The following FAM178B variants were observed in gnomAD, a reference collection of about 807,000 sequenced individuals.
The protein encoded by FAM178B is family with sequence similarity 178 member B.
In FAM178B, 82 loss-of-function variants were observed where a neutral mutation model predicts 91.7. That is an observed-to-expected ratio of 0.89 (90% confidence interval 0.75 to 1.07). FAM178B has a LOEUF of 1.07. FAM178B is among the 50% of genes least tolerant of loss of function. The pLI is 0.00. For missense variants in FAM178B, 769 were observed against 846.7 expected (o/e 0.91, Z 1.14); for synonymous variants, 368 against 359.4 (o/e 1.02, Z -0.27).
At chr2:96,924,300 C>G (rs747700722) in intron 9 of FAM178B, among the ~76,000 whole-genome samples, 1 of 152,198 alleles carries the variant, frequency 6.6e-6, no homozygotes, top group Non-Finnish European at 1.5e-5. Context: ...GTAGCTGACA[C>G]GGGCTGGCTC....
intron 14 of FAM178B, among the ~76,000 whole-genome samples, chr2:96,882,313 GAC>G (rs1177769777): frequency 3.3e-5 from 5 of 152,214 alleles, no homozygotes; most frequent in Non-Finnish European, 5.9e-5. Context: ...AGCGGCTGTG[GAC>G]ACCCGATTCG....
intron 5 of FAM178B, among the ~76,000 whole-genome samples, chr2:96,966,069 G>A (rs561888727): frequency 6.6e-6 from 1 of 152,100 alleles, no homozygotes; most frequent in Non-Finnish European, 1.5e-5. Context: ...GTCCTATGCA[G>A]ACATGTGTCC....
At chr2:96,926,516 T>C (rs572642218) in intron 9 of FAM178B, among the ~76,000 whole-genome samples, 108 of 152,288 alleles carry the variant, frequency 7.1e-4, no homozygotes, top group Admixed American at 1.2e-3. Context: ...GCAAGTCCCA[T>C]TCTGTGTTGC....
intron 5 of FAM178B, 73 bp from the exon 6 acceptor site, chr2:96,960,513 G>C: frequency 6.8e-7 from 1 of 1,464,368 alleles, no homozygotes; most frequent in Non-Finnish European, 9.1e-7. Flanking sequence ...CATTAGCCCA[G>C]GGAAGGATAG....
intron 12 of FAM178B, among the ~76,000 whole-genome samples, chr2:96,920,923 C>T (rs1269959731): frequency 6.6e-6 from 1 of 152,106 alleles, no homozygotes; most frequent in Admixed American, 6.6e-5. Flanking sequence ...GAGTGGGGGC[C>T]CTGCAGGCAG....
At position 96,965,259 on chromosome 2, in the gene FAM178B, C is replaced by T. The variant is rs1220248896; in HGVS notation, c.734+2261G>A. Reference sequence around the variant, plus strand: ...CTTGGCTCAAGTGATTCACCTGCTTCAGCCTCCCAAAGCGCTGGGATTACA... The same window carrying T: ...CTTGGCTCAAGTGATTCACCTGCTTTAGCCTCCCAAAGCGCTGGGATTACA... On this transcript the variant is annotated intron_variant, in intron 5 of 16. Coordinates refer to ENST00000490605, the MANE Select transcript of FAM178B (RefSeq NM_001122646.3). Among the ~76,000 whole-genome samples the T allele has an allele frequency of 1.3e-5, 2 of 152,112 alleles. 1 individual carries two copies. Among genetic ancestry groups the T allele is most frequent in the African/African-American group, 4.8e-5 (2 of 41,422 alleles).
intron 12 of FAM178B, among the ~76,000 whole-genome samples, chr2:96,909,334 A>G (rs2081111929): frequency 6.6e-6 from 1 of 152,128 alleles, no homozygotes; most frequent in Non-Finnish European, 1.5e-5. Flanking sequence ...AATCGTTCCC[A>G]TATTTTGCCA....
At chr2:96,933,914 G>C (rs2081583511) in intron 8 of FAM178B, among the ~76,000 whole-genome samples, 1 of 152,230 alleles carries the variant, frequency 6.6e-6, no homozygotes, top group South Asian at 2.1e-4. Context: ...ATGTTTACGG[G>C]AGGCTTAAAA....
At chr2:96,884,372 C>T (rs1055018636) in intron 14 of FAM178B, among the ~76,000 whole-genome samples, 1 of 152,232 alleles carries the variant, frequency 6.6e-6, no homozygotes, top group Non-Finnish European at 1.5e-5. Context: ...CCTTGGGAAA[C>T]AGCAAGGGTC....
At chr2:96,960,541 C>T (rs2153374777) in intron 5 of FAM178B, 101 bp from the exon 6 acceptor site, 1 of 1,363,708 alleles carries the variant, frequency 7.3e-7, no homozygotes, top group East Asian at 2.6e-5. Flanking sequence ...CCACGGGCTC[C>T]CTGCCTTGCA....
chr2:96,935,183 A>G (rs2081604350), intron 8 of FAM178B, among the ~76,000 whole-genome samples: 1 of 152,216 alleles, frequency 6.6e-6, no homozygotes, highest in African/African-American at 2.4e-5. Flanking sequence ...AACAAACAAA[A>G]ACAAAAACAA....
chr2:96,907,780 C>T (rs903914539), intron 12 of FAM178B, among the ~76,000 whole-genome samples: 4 of 152,210 alleles, frequency 2.6e-5, no homozygotes, highest in East Asian at 1.9e-4. Context: ...GCTGGGATGT[C>T]GGGCAGTGAC....
chr2:96,895,077 A>G (rs1211477583), intron 13 of FAM178B: 1 of 1,289,140 alleles, frequency 7.8e-7, no homozygotes, highest in African/African-American at 1.5e-5. Context: ...CAAGACCACC[A>G]TCATCTTCAT....
chr2:96,913,397 C>G (rs754165326), intron 12 of FAM178B, among the ~76,000 whole-genome samples: 1 of 152,176 alleles, frequency 6.6e-6, no homozygotes, highest in South Asian at 2.1e-4. Flanking sequence ...AGTCTGAGAA[C>G]AGGCAGGCAG....
At chr2:96,899,894 C>G (rs1282635735) in intron 13 of FAM178B, among the ~76,000 whole-genome samples, 1 of 129,430 alleles carries the variant, frequency 7.7e-6, no homozygotes, top group Admixed American at 9.2e-5. Flanking sequence ...GTGTCTGGCT[C>G]TGTTGCCCAG....
Position 96,905,818 on chromosome 2 carries a change from GTATATATATATATATATA to G in FAM178B, c.1563-3129_1563-3112del, listed in dbSNP as rs1226987241. On this transcript the variant is annotated intron_variant, in intron 12 of 16. Coordinates refer to ENST00000490605, the MANE Select transcript of FAM178B (RefSeq NM_001122646.3). ...TACACAAAAATATACATATATGTGT[GTATATATATATATATATA>G]TATATATATATATATATATATATAT... Among the ~76,000 whole-genome samples, 42 of 34,198 alleles carry G rather than the reference GTATATATATATATATATA, an allele frequency of 1.2e-3. 1 individual carries two copies. Among genetic ancestry groups the G allele is most frequent in the East Asian group, 0.012 (12 of 986 alleles). 22.4% of individuals were successfully genotyped at this position (34,198 alleles called of 152,430 possible).
chr2:96,894,153 T>A, intron 13 of FAM178B, 102 bp from the exon 14 acceptor site: 1 of 1,390,646 alleles, frequency 7.2e-7, no homozygotes, highest in Non-Finnish European at 9.8e-7. Flanking sequence ...GGCAGTGTGT[T>A]AGGGCACTGG....
chr2:96,903,224 AGAGACAGGG>A, intron 12 of FAM178B, among the ~76,000 whole-genome samples: 1 of 152,260 alleles, frequency 6.6e-6, no homozygotes, highest in Middle Eastern at 3.4e-3. Flanking sequence ...TATTTTTAGT[AGAGACAGGG>A]TTTCACCATG....
At chr2:96,982,268 T>C (rs552529397) in intron 1 of FAM178B, among the ~76,000 whole-genome samples, 110 of 152,008 alleles carry the variant, frequency 7.2e-4, no homozygotes, top group African/African-American at 2.5e-3. Context: ...TTATATATAT[T>C]ATTATTTTAT....
Sources: gnomAD v4.1 joint callset for allele counts (sites outside exome capture counted in the v4.1 genomes callset) on GRCh38, gnomAD v4.1.1 for gene constraint, MANE v1.5 for transcripts, NCBI Gene and HGNC (gene_info 2026-07-23, HGNC 2026-07-21) for gene names.